The following GRIN2B variants were observed in gnomAD, a reference collection of about 807,000 sequenced individuals.
GRIN2B encodes the protein glutamate ionotropic receptor NMDA type subunit 2B, also known as glutamate receptor ionotropic, NMDA 2B.
A neutral mutation model predicts 114.5 loss-of-function variants in GRIN2B; 5 were observed. That is an observed-to-expected ratio of 0.04 (90% CI 0.02 to 0.09). The LOEUF is 0.09. GRIN2B is among the 10% of genes least tolerant of loss of function. The probability of loss-of-function intolerance (pLI) is 1.00; values close to 1 mark genes in which losing one functional copy is unlikely to be tolerated. For missense variants in GRIN2B, 1,108 were observed against 1,943.5 expected (o/e 0.57, Z 8.08); for synonymous variants, 787 against 745.1 (o/e 1.06, Z -0.92).
At chr12:13,682,743 C>G (rs541225401) in intron 4 of GRIN2B, among the ~76,000 whole-genome samples, 7 of 152,218 alleles carry the variant, frequency 4.6e-5, no homozygotes, top group Admixed American at 2.0e-4. Context: ...GCTTTAGCCC[C>G]TTAGTAGTTT....
intron 10 of GRIN2B, among the ~76,000 whole-genome samples, chr12:13,599,474 C>G (rs1229924421): frequency 6.6e-6 from 1 of 152,168 alleles, no homozygotes; most frequent in Non-Finnish European, 1.5e-5. Flanking sequence ...CTTTTGGCCA[C>G]ATATAAATTT....
intron 2 of GRIN2B, among the ~76,000 whole-genome samples, chr12:13,950,474 A>G (rs1189517790): frequency 6.6e-6 from 1 of 152,246 alleles, no homozygotes; most frequent in Admixed American, 6.5e-5. Context: ...AAGAGTACTT[A>G]TCTCATTAAA....
intron 4 of GRIN2B, among the ~76,000 whole-genome samples, chr12:13,720,758 T>A (rs1264212337): frequency 2.6e-5 from 4 of 152,006 alleles, no homozygotes; most frequent in African/African-American, 7.2e-5. Flanking sequence ...CAGAAACCTG[T>A]TTTAAGGGGC....
chr12:13,888,309 G>A (rs546003404), intron 2 of GRIN2B, among the ~76,000 whole-genome samples: 43 of 152,122 alleles, frequency 2.8e-4, no homozygotes, highest in African/African-American at 9.4e-4. Context: ...ATTGCTCCTC[G>A]GCTACGAACC....
At chr12:13,645,756 G>T (rs1949755802) in intron 5 of GRIN2B, among the ~76,000 whole-genome samples, 1 of 151,628 alleles carries the variant, frequency 6.6e-6, no homozygotes, top group South Asian at 2.1e-4. Context: ...AGGGAATGAT[G>T]TCAACAACTC....
intron 3 of GRIN2B, among the ~76,000 whole-genome samples, chr12:13,825,496 T>TTGTGTGTGTGTG (rs55893904): frequency 0.23 from 27,816 of 122,676 alleles, 3,873 homozygotes; most frequent in South Asian, 0.31. Context: ...TATATATATT[T>TTGTGTGTGTGTG]TGTGTGTGTG....
intron 3 of GRIN2B, among the ~76,000 whole-genome samples, chr12:13,831,660 C>T (rs940522394): frequency 6.6e-6 from 1 of 152,170 alleles, no homozygotes; most frequent in Non-Finnish European, 1.5e-5. Flanking sequence ...TGGGGGAGCC[C>T]GGTAACTGCC....
At position 13,564,943 on chromosome 12, in the gene GRIN2B, G is replaced by C. The variant is rs1029771176; in HGVS notation, c.2599-304C>G. Among the ~76,000 whole-genome samples the C allele has an allele frequency of 6.6e-6, 1 of 152,176 alleles. No homozygotes were observed. The highest frequency in any genetic ancestry group is 2.4e-5 in the African/African-American group (1 of 41,450). On this transcript the variant is annotated intron_variant, in intron 13 of 13. Coordinates refer to ENST00000609686, the MANE Select transcript of GRIN2B (RefSeq NM_000834.5). This position sits in a 1 kb window ranked among gnomAD's most constrained non-coding sequence, Gnocchi z 4.8. ...ATGGCATTTTTGCCTCAGCTTCACTGTTGACTTACCGTGGTTTTCTATGCC... is the reference window on the plus strand; with the variant it reads ...ATGGCATTTTTGCCTCAGCTTCACTCTTGACTTACCGTGGTTTTCTATGCC...
At position 13,675,869 on chromosome 12, in the gene GRIN2B, T is replaced by A. The variant is rs200245117; in HGVS notation, c.1011-10A>T. ...GACATTGATCAGATACCTGTAAAGATAAAATAAAAGGAAGATTAAAAGTAT... is the reference window on the plus strand; with the variant it reads ...GACATTGATCAGATACCTGTAAAGAAAAAATAAAAGGAAGATTAAAAGTAT... On this transcript the variant is annotated splice_polypyrimidine_tract_variant and intron_variant, in intron 4 of 13. Coordinates refer to ENST00000609686, the MANE Select transcript of GRIN2B (RefSeq NM_000834.5). The A allele has an allele frequency of 7.0e-7, 1 of 1,435,602 alleles. No individual in the cohort carries two copies. The highest frequency in any genetic ancestry group is 9.8e-7 in the Non-Finnish European group (1 of 1,017,678). 88.9% of individuals were successfully genotyped at this position (1,435,602 alleles called of 1,614,324 possible).
At chr12:13,633,242 C>G (rs573658126) in intron 5 of GRIN2B, among the ~76,000 whole-genome samples, 1 of 152,204 alleles carries the variant, frequency 6.6e-6, no homozygotes, top group East Asian at 1.9e-4. Flanking sequence ...GCCCCAAGAC[C>G]GGCAGCATGG....
chr12:13,692,957 G>A (rs562976218), intron 4 of GRIN2B, among the ~76,000 whole-genome samples: 7 of 151,256 alleles, frequency 4.6e-5, no homozygotes, highest in Non-Finnish European at 1.0e-4. Context: ...TAGTAGAGAT[G>A]GGGTTGCTCC....
chr12:13,950,331 G>T (rs1276106559), intron 2 of GRIN2B, among the ~76,000 whole-genome samples: 2 of 152,162 alleles, frequency 1.3e-5, no homozygotes, highest in Non-Finnish European at 2.9e-5. Context: ...GTAGCATTGG[G>T]GTTGTAAGTG....
At chr12:13,882,261 T>G (rs1024033205) in intron 2 of GRIN2B, among the ~76,000 whole-genome samples, 2 of 152,170 alleles carry the variant, frequency 1.3e-5, no homozygotes, top group African/African-American at 2.4e-5. Flanking sequence ...TCCCAAGAGA[T>G]CTGTCCTTTG....
rs1416151659 is a variant in GRIN2B, at chr12:13,825,508, G to T, written c.411+40290C>A. ...ATATATATATATTTTGTGTGTGTGT[G>T]TGTGTGTGTGTGTGTGTGTGTGTGT... is the stretch of plus-strand genomic sequence containing the variant. On this transcript the variant is annotated intron_variant, in intron 3 of 13. Transcript: ENST00000609686. 3.2e-3 allele frequency among the ~76,000 whole-genome samples: 431 copies of T among 134,816 alleles called. 5 individuals are homozygous for T. The highest frequency in any genetic ancestry group is 0.015 in the Middle Eastern group (4 of 262). 88.4% of individuals were successfully genotyped at this position (134,816 alleles called of 152,430 possible).
chr12:13,551,292 G>A lies in GRIN2B; in HGVS notation c.*11491C>T, dbSNP rs1157563781. 3.3e-5 allele frequency: 5 copies of A among 152,058 alleles called. No homozygotes were observed. Among genetic ancestry groups the A allele is most frequent in the African/African-American group, 1.2e-4 (5 of 41,398 alleles). 9.4% of individuals were successfully genotyped at this position (152,058 alleles called of 1,614,324 possible). On this transcript the variant is annotated 3_prime_UTR_variant, in exon 14 of 14. Transcript: ENST00000609686. ...TCCAAGAAGAGATGTGGGCACATGT[G>A]CGAATATGTATGTATCTAAGCAACA... is the stretch of plus-strand genomic sequence containing the variant.
chr12:13,619,753 A>C (rs1949492955), intron 5 of GRIN2B, among the ~76,000 whole-genome samples: 1 of 152,208 alleles, frequency 6.6e-6, no homozygotes, highest in African/African-American at 2.4e-5. Flanking sequence ...TGTGAGATTG[A>C]AGCTCACATT....
At chr12:13,811,232 G>A (rs903917930) in intron 3 of GRIN2B, among the ~76,000 whole-genome samples, 9 of 152,198 alleles carry the variant, frequency 5.9e-5, no homozygotes, top group Admixed American at 4.6e-4. Context: ...TAAGGGTCAG[G>A]TGTTATTCAG....
intron 10 of GRIN2B, among the ~76,000 whole-genome samples, chr12:13,589,752 A>C (rs1948980620): frequency 6.6e-6 from 1 of 152,172 alleles, no homozygotes; most frequent in Non-Finnish European, 1.5e-5. Flanking sequence ...TTAAGAATGA[A>C]TTTGCCAGGA....
At chr12:13,717,180 G>A (rs1396256733) in intron 4 of GRIN2B, among the ~76,000 whole-genome samples, 1 of 151,230 alleles carries the variant, frequency 6.6e-6, no homozygotes, top group Non-Finnish European at 1.5e-5. Flanking sequence ...CTGAGGTATG[G>A]ACAGTTTTAC....
Sources: allele counts gnomAD v4.1 joint callset (sites outside exome capture counted in the v4.1 genomes callset), GRCh38; gene constraint gnomAD v4.1.1; non-coding constraint Gnocchi (gnomAD v3.1); transcripts MANE v1.5; gene names NCBI Gene and HGNC (gene_info 2026-07-23, HGNC 2026-07-21).